PRDM6: variants seen among roughly 807,000 people sequenced by gnomAD.
PRDM6 encodes PR/SET domain 6.
PRDM6 carries 25 observed loss-of-function variants against 60.8 expected under a neutral mutation model. The observed-to-expected ratio is 0.41, with a 90% CI of 0.30 to 0.57. The LOEUF is 0.57. Ranked by LOEUF, PRDM6 falls within the 20% of genes least tolerant of loss-of-function variation. The pLI is 0.27. For missense variants in PRDM6, 839 were observed against 821.3 expected (o/e 1.02, Z -0.26); for synonymous variants, 407 against 357.4 (o/e 1.14, Z -1.57).
intron 3 of PRDM6, among the ~76,000 whole-genome samples, chr5:123,118,954 T>G (rs1764517978): frequency 6.6e-6 from 1 of 152,170 alleles, no homozygotes; most frequent in Non-Finnish European, 1.5e-5. Context: ...GAGCTAAGTA[T>G]CTTGGCTCTT....
In PRDM6 at chr5:123,114,467, T is replaced by C. The variant is rs775907216; in HGVS notation, c.900+14506T>C. Among the ~76,000 whole-genome samples, 59 of 152,360 alleles carry C rather than the reference T, an allele frequency of 3.9e-4. No homozygotes were observed. The Middle Eastern group carries it at 0.01, about 26-fold the overall frequency. Reference sequence around the variant, plus strand: ...TTCACCACCCTTTCCACACTCACTTTCCTTCCAGCATCCCCTTGAGACTTG... The same window carrying C: ...TTCACCACCCTTTCCACACTCACTTCCCTTCCAGCATCCCCTTGAGACTTG... On this transcript the variant is annotated intron_variant, in intron 3 of 7. Coordinates refer to ENST00000407847, the MANE Select transcript of PRDM6 (RefSeq NM_001136239.4).
At chr5:123,144,583 T>C (rs1042408886) in intron 3 of PRDM6, among the ~76,000 whole-genome samples, 1 of 151,958 alleles carries the variant, frequency 6.6e-6, no homozygotes. Flanking sequence ...GTCCTCAGCG[T>C]GGGACAGTTT....
chr5:123,154,321 T>C (rs1273904055), intron 3 of PRDM6, among the ~76,000 whole-genome samples: 1 of 152,120 alleles, frequency 6.6e-6, no homozygotes, highest in African/African-American at 2.4e-5. Flanking sequence ...GTCATTAGCC[T>C]TAAATAAATA....
At chr5:123,183,894 T>A (rs1766223126) in intron 7 of PRDM6, among the ~76,000 whole-genome samples, 1 of 152,204 alleles carries the variant, frequency 6.6e-6, no homozygotes, top group Non-Finnish European at 1.5e-5. Context: ...GAAGCCTGGC[T>A]TTCTGAACCT....
At chr5:123,176,012 G>A (rs1765999515) in intron 6 of PRDM6, among the ~76,000 whole-genome samples, 1 of 152,100 alleles carries the variant, frequency 6.6e-6, no homozygotes, top group Non-Finnish European at 1.5e-5. Flanking sequence ...GGTGTTTTCT[G>A]TTCTTCAGTT....
intron 5 of PRDM6, among the ~76,000 whole-genome samples, chr5:123,169,762 C>G (rs1315967367): frequency 6.6e-6 from 1 of 152,166 alleles, no homozygotes; most frequent in Non-Finnish European, 1.5e-5. Context: ...CCACACCATG[C>G]TGCTATTATT....
At chr5:123,145,144 G>C (rs1765211035) in intron 3 of PRDM6, among the ~76,000 whole-genome samples, 1 of 152,198 alleles carries the variant, frequency 6.6e-6, no homozygotes, top group African/African-American at 2.4e-5. Context: ...TAAATGATTA[G>C]CTTTGCCTCT....
At chr5:123,144,669 C>CT (rs1554088683) in intron 3 of PRDM6, among the ~76,000 whole-genome samples, 1 of 152,142 alleles carries the variant, frequency 6.6e-6, no homozygotes, top group Non-Finnish European at 1.5e-5. Context: ...TGGGTGAAGT[C>CT]TTTATCCTGC....
intron 7 of PRDM6, among the ~76,000 whole-genome samples, chr5:123,181,070 TATTC>T (rs1368608718): frequency 6.6e-6 from 1 of 152,264 alleles, no homozygotes; most frequent in East Asian, 1.9e-4. Context: ...CAAGATGGTC[TATTC>T]ATTCACTTAT....
At chr5:123,147,279 A>AAGAG (rs3036135) in intron 3 of PRDM6, among the ~76,000 whole-genome samples, 3,165 of 147,462 alleles carry the variant, frequency 0.021, 92 homozygotes, top group African/African-American at 0.071. Context: ...TGATACTAAA[A>AAGAG]AGAGAGAGAG....
chr5:123,131,863 A>G (rs2150223725), intron 3 of PRDM6, among the ~76,000 whole-genome samples: 1 of 152,304 alleles, frequency 6.6e-6, no homozygotes, highest in South Asian at 2.1e-4. Flanking sequence ...TGTTTCTAGG[A>G]CTACCTAGGG....
intron 3 of PRDM6, among the ~76,000 whole-genome samples, chr5:123,128,569 T>C (rs1002470651): frequency 3.3e-5 from 5 of 152,234 alleles, no homozygotes; most frequent in Non-Finnish European, 7.3e-5. Flanking sequence ...AATGTCTTCT[T>C]TTGAGAAGTG....
At chr5:123,116,851 G>T (rs1764461088) in intron 3 of PRDM6, among the ~76,000 whole-genome samples, 1 of 152,154 alleles carries the variant, frequency 6.6e-6, no homozygotes, top group Admixed American at 6.5e-5. Context: ...CATATAAATA[G>T]ATAATTGCTG....
intron 3 of PRDM6, among the ~76,000 whole-genome samples, chr5:123,108,731 G>A (rs1298911372): frequency 1.3e-5 from 2 of 152,020 alleles, no homozygotes; most frequent in African/African-American, 4.8e-5. Context: ...TTGGAAAGTC[G>A]AACTATGTAA....
intron 3 of PRDM6, among the ~76,000 whole-genome samples, chr5:123,140,084 G>A (rs335158): frequency 0.72 from 109,049 of 151,916 alleles, 39,277 homozygotes; most frequent in Non-Finnish European, 0.75. Context: ...TCTAAGCACT[G>A]TTGCAAGCTC....
chr5:123,141,751 G>A (rs192264308), intron 3 of PRDM6, among the ~76,000 whole-genome samples: 77 of 152,168 alleles, frequency 5.1e-4, no homozygotes, highest in African/African-American at 1.8e-3. Context: ...TTTTGGAAAG[G>A]GAAATTAAAA....
At chr5:123,117,475 A>G (rs1480537444) in intron 3 of PRDM6, among the ~76,000 whole-genome samples, 1 of 152,266 alleles carries the variant, frequency 6.6e-6, no homozygotes, top group Non-Finnish European at 1.5e-5. Context: ...GTGGCCTGGC[A>G]TGATGGAAAT....
chr5:123,139,212 G>T (rs56668199), intron 3 of PRDM6, among the ~76,000 whole-genome samples: 4 of 152,074 alleles, frequency 2.6e-5, no homozygotes, highest in African/African-American at 9.7e-5. Flanking sequence ...TTATAGCAGC[G>T]TGAAAACAGA....
intron 7 of PRDM6, among the ~76,000 whole-genome samples, chr5:123,183,332 G>A (rs559042379): frequency 3.3e-5 from 5 of 152,158 alleles, no homozygotes; most frequent in Non-Finnish European, 7.3e-5. Flanking sequence ...CTGAGATTAA[G>A]CTTGCCATGT....
Sources: allele counts gnomAD v4.1 joint callset (sites outside exome capture counted in the v4.1 genomes callset), GRCh38; gene constraint gnomAD v4.1.1; transcripts MANE v1.5; gene names NCBI Gene and HGNC (gene_info 2026-07-23, HGNC 2026-07-21).